Variants in GRIA4 observed in about 807,000 individuals in gnomAD.
GRIA4 encodes glutamate ionotropic receptor AMPA type subunit 4.
Under a neutral mutation model 104.0 loss-of-function variants are expected in GRIA4, and 34 were observed. The observed-to-expected ratio is 0.33, with a 90% CI of 0.25 to 0.44. The LOEUF is 0.44. Among genes scored for constraint, GRIA4 ranks in the 20% least tolerant of loss-of-function variants. GRIA4 has a pLI of 1.00. For missense variants in GRIA4, 750 were observed against 1,096.5 expected (o/e 0.68, Z 4.46); for synonymous variants, 386 against 381.9 (o/e 1.01, Z -0.13).
chr11:105,616,931 T>C (rs552930616), intron 3 of GRIA4, among the ~76,000 whole-genome samples: 1 of 151,670 alleles, frequency 6.6e-6, no homozygotes, highest in Non-Finnish European at 1.5e-5. Context: ...GTCATATTCT[T>C]ATAGTTTTTC....
chr11:105,753,672 C>T (rs758933496), intron 4 of GRIA4, among the ~76,000 whole-genome samples: 1 of 152,080 alleles, frequency 6.6e-6, no homozygotes, highest in Non-Finnish European at 1.5e-5. Context: ...AAGGCTCAGT[C>T]CCCCACAAGA....
intron 4 of GRIA4, among the ~76,000 whole-genome samples, chr11:105,860,977 A>T (rs1945201895): frequency 6.8e-6 from 1 of 146,492 alleles, no homozygotes; most frequent in South Asian, 2.1e-4. Flanking sequence ...AAAAAAAAAA[A>T]GAGAGATGGA....
intron 4 of GRIA4, among the ~76,000 whole-genome samples, chr11:105,821,029 AC>A (rs1218940569): frequency 6.6e-6 from 1 of 152,100 alleles, no homozygotes; most frequent in Non-Finnish European, 1.5e-5. Flanking sequence ...TATTTACTGT[AC>A]CATTGACCTC....
chr11:105,717,757 A>G (rs1011282622), intron 3 of GRIA4, among the ~76,000 whole-genome samples: 2 of 151,610 alleles, frequency 1.3e-5, no homozygotes, highest in East Asian at 3.9e-4. Flanking sequence ...ACATGTGCAC[A>G]ATGTGCAGGT....
At chr11:105,871,106 T>C (rs913247135) in intron 5 of GRIA4, among the ~76,000 whole-genome samples, 1 of 152,096 alleles carries the variant, frequency 6.6e-6, no homozygotes, top group African/African-American at 2.4e-5. Context: ...ACATTGCAGT[T>C]TATATTTTAG....
chr11:105,723,354 A>C (rs1937962160), intron 3 of GRIA4, among the ~76,000 whole-genome samples: 1 of 152,146 alleles, frequency 6.6e-6, no homozygotes, highest in South Asian at 2.1e-4. Flanking sequence ...CTTAAATAAT[A>C]ACTTACTGAA....
At chr11:105,963,179 A>T (rs890107229) in intron 14 of GRIA4, among the ~76,000 whole-genome samples, 1 of 152,092 alleles carries the variant, frequency 6.6e-6, no homozygotes, top group Non-Finnish European at 1.5e-5. Flanking sequence ...TTAGCTTGAC[A>T]AAAAGTACTT....
At chr11:105,725,737 A>C (rs1938159591) in intron 3 of GRIA4, among the ~76,000 whole-genome samples, 1 of 152,024 alleles carries the variant, frequency 6.6e-6, no homozygotes, top group African/African-American at 2.4e-5. Context: ...AGTGCAGCCC[A>C]TGGAGAGCAA....
intron 3 of GRIA4, among the ~76,000 whole-genome samples, chr11:105,691,740 T>C (rs924519898): frequency 6.6e-6 from 1 of 151,768 alleles, no homozygotes; most frequent in Non-Finnish European, 1.5e-5. Flanking sequence ...ATCGAGATCA[T>C]CCTGGCCAAC....
At chr11:105,697,849 T>G (rs1368213019) in intron 3 of GRIA4, among the ~76,000 whole-genome samples, 1 of 151,786 alleles carries the variant, frequency 6.6e-6, no homozygotes, top group East Asian at 1.9e-4. Context: ...TATACTCATA[T>G]GTGCATTTGG....
intron 4 of GRIA4, among the ~76,000 whole-genome samples, chr11:105,843,840 T>C (rs1944479128): frequency 6.6e-6 from 1 of 152,216 alleles, no homozygotes; most frequent in South Asian, 2.1e-4. Flanking sequence ...ACTTAAGACC[T>C]CTTGATGGAT....
intron 4 of GRIA4, among the ~76,000 whole-genome samples, chr11:105,810,191 T>C (rs1943115823): frequency 1.3e-5 from 2 of 152,180 alleles, no homozygotes; most frequent in African/African-American, 4.8e-5. Context: ...ACAGCTTGTC[T>C]CCTTTGAACC....
chr11:105,845,330 T>C (rs1944543715), intron 4 of GRIA4, among the ~76,000 whole-genome samples: 1 of 152,124 alleles, frequency 6.6e-6, no homozygotes, highest in Non-Finnish European at 1.5e-5. Context: ...CAACCACCCC[T>C]AGGGGACCAG....
chr11:105,826,083 G>A (rs145316476), intron 4 of GRIA4, among the ~76,000 whole-genome samples: 232 of 152,082 alleles, frequency 1.5e-3, no homozygotes, highest in African/African-American at 5.3e-3. Context: ...ATACTCAGAC[G>A]TGTGTGTATA....
At chr11:105,624,539 C>A (rs957864884) in intron 3 of GRIA4, among the ~76,000 whole-genome samples, 1 of 152,076 alleles carries the variant, frequency 6.6e-6, no homozygotes, top group African/African-American at 2.4e-5. Context: ...TGGTAAATCT[C>A]ATGAGCAATT....
chr11:105,671,659 CAG>C (rs1952372842), intron 3 of GRIA4, among the ~76,000 whole-genome samples: 2 of 98,926 alleles, frequency 2.0e-5, no homozygotes, highest in Admixed American at 3.5e-4. Context: ...GCCTGGGTGA[CAG>C]AGTGAGACTC....
intron 3 of GRIA4, among the ~76,000 whole-genome samples, chr11:105,748,351 A>T (rs935664739): frequency 6.6e-6 from 1 of 151,306 alleles, no homozygotes; most frequent in African/African-American, 2.4e-5. Flanking sequence ...TGAGAATGGT[A>T]TTCTCAAAAG....
intron 3 of GRIA4, among the ~76,000 whole-genome samples, chr11:105,653,541 T>G (rs1436061650): frequency 6.6e-6 from 1 of 152,176 alleles, no homozygotes; most frequent in Non-Finnish European, 1.5e-5. Context: ...TATGAATTAT[T>G]TAATATTTTT....
At chr11:105,835,044 A>T (rs1207469061) in intron 4 of GRIA4, among the ~76,000 whole-genome samples, 1 of 152,040 alleles carries the variant, frequency 6.6e-6, no homozygotes, top group African/African-American at 2.4e-5. Context: ...ACTTTTGAGA[A>T]ATGTGAATAT....
Sources: gnomAD v4.1 joint callset for allele counts (sites outside exome capture counted in the v4.1 genomes callset) on GRCh38, gnomAD v4.1.1 for gene constraint, MANE v1.5 for transcripts, NCBI Gene and HGNC (gene_info 2026-07-23, HGNC 2026-07-21) for gene names.